Variants in RBM5 observed in about 807,000 individuals in gnomAD.
RBM5 encodes the protein RNA-binding protein 5.
A neutral mutation model predicts 124.6 loss-of-function variants in RBM5; 15 were observed. The observed-to-expected ratio is 0.12, with a 90% CI of 0.08 to 0.19. The LOEUF (loss-of-function observed/expected upper bound fraction) is 0.19, where lower values mean the gene tolerates loss of function less well. RBM5 is among the 10% of genes least tolerant of loss of function. The probability of loss-of-function intolerance (pLI) is 1.00; values close to 1 mark genes in which losing one functional copy is unlikely to be tolerated. For synonymous variants in RBM5, 337 were observed against 361.2 expected (o/e 0.93, Z 0.76); for missense variants, 580 against 1,026.5 (o/e 0.57, Z 5.94).
rs761272730 is a variant in RBM5 at position 50,105,617 on chromosome 3, G to A, written c.763G>A (p.Ala255Thr). The A allele has an allele frequency of 3.7e-6, 6 of 1,614,142 alleles. No homozygotes were observed. Among genetic ancestry groups the A allele is most frequent in the South Asian group, 1.1e-5 (1 of 91,086 alleles). The change falls in exon 10 of 25, where the codon GCG becomes ACG. Residue 255 changes from alanine to threonine, a missense_variant. Around this residue, in one of 6 missense-constraint regions of RBM5, gnomAD observed 101 missense variants for 223.2 expected, o/e 0.45. Transcript: ENST00000347869. ...DSIMTALSPYASLAVNNIRLI... is the reference protein window; with the variant it reads ...DSIMTALSPYTSLAVNNIRLI... ...CATCATGACAGCACTGTCTCCTTAC[G>A]CGTCTTTAGCTGTCAATAACATCCG...
chr3:50,106,755 A>G lies in RBM5; in HGVS notation c.856-12A>G. The G allele has an allele frequency of 6.4e-7, 1 of 1,571,228 alleles. No individual in the cohort carries two copies. The highest frequency in any genetic ancestry group is 8.8e-7 in the Non-Finnish European group (1 of 1,142,370). Reference sequence around the variant, plus strand: ...TGCATTACACGTTTTTTTCCTTCACATTCTCCTTCAGGATGCTTCTCAGCT... The same window carrying G: ...TGCATTACACGTTTTTTTCCTTCACGTTCTCCTTCAGGATGCTTCTCAGCT... On this transcript the variant is annotated splice_polypyrimidine_tract_variant and intron_variant, in intron 10 of 24. Coordinates refer to ENST00000347869, the MANE Select transcript of RBM5 (RefSeq NM_005778.4).
Position 50,114,964 on chromosome 3 carries a change from C to T in RBM5, c.1840-464C>T, listed in dbSNP as rs143408324. On this transcript the variant is annotated intron_variant, in intron 20 of 24. Coordinates refer to ENST00000347869, the MANE Select transcript of RBM5 (RefSeq NM_005778.4). ...GGCGGATCATTTGAGGTCAGGAGTT[C>T]GAGATCAGCCTGACCAATGTGGTGA... The T allele has an allele frequency of 4.3e-3, 683 of 158,008 alleles. 4 individuals carry two copies. The Middle Eastern group carries it at 0.052, about 12-fold the overall frequency. The allele number at this position is 158,008 out of a possible 1,614,324, so 9.8% of individuals were successfully genotyped here.
intron 4 of RBM5, among the ~76,000 whole-genome samples, chr3:50,094,499 T>C (rs1255724705): frequency 6.6e-6 from 1 of 152,160 alleles, no homozygotes; most frequent in East Asian, 1.9e-4. Flanking sequence ...GTGATATTTT[T>C]GTTTCTGTTT....
intron 20 of RBM5, chr3:50,114,538 A>G: frequency 2.7e-6 from 1 of 376,432 alleles, no homozygotes; most frequent in East Asian, 5.2e-5. Flanking sequence ...GAAAATTAAG[A>G]CAAGAAAAAG....
intron 7 of RBM5, among the ~76,000 whole-genome samples, chr3:50,103,387 C>T (rs931774744): frequency 2.0e-5 from 3 of 152,232 alleles, no homozygotes; most frequent in Middle Eastern, 3.2e-3. Flanking sequence ...TGGCTCACGC[C>T]TGTAATCCCA....
In RBM5 at chr3:50,100,499, A is replaced by G; in HGVS notation, c.410-33A>G. 6.4e-7 allele frequency: 1 copy of G among 1,557,900 alleles called. No homozygotes were observed. The highest frequency in any genetic ancestry group is 8.8e-7 in the Non-Finnish European group (1 of 1,130,268). ...TGTTATAAAGGAACTGACTAACACA[A>G]GTATCCCGTCTATATCTGAATGCTG... On this transcript the variant is annotated intron_variant, in intron 5 of 24. Transcript: ENST00000347869. The surrounding 1 kb of genome is among the most constrained non-coding windows in gnomAD (Gnocchi z 5.1).
Position 50,103,130 on chromosome 3 carries a change from T to C in RBM5, c.531T>C (p.Asn177=), listed in dbSNP as rs1160589570. ...AGCACATTGCAATGCATTATAGCAATCCCAGACCTAAGTTTGAAGATTGGC... is the reference window on the plus strand; with the variant it reads ...AGCACATTGCAATGCATTATAGCAACCCCAGACCTAAGTTTGAAGATTGGC... ...QGKHIAMHYS[N]PRPKFEDWLC... is the part of the protein sequence containing the mutation. The change falls in exon 7 of 25, where the codon AAT becomes AAC. Residue 177 remains asparagine, a synonymous_variant. Transcript: ENST00000347869. 3 of 1,612,794 alleles carry C rather than the reference T, an allele frequency of 1.9e-6. No individual in the cohort carries two copies. In the East Asian group the frequency reaches 6.7e-5, roughly 36 times the overall value.
rs2090991353 is a variant in RBM5, at chr3:50,104,107, G to A, written c.568-141G>A. ...CAGTGTTACATTCTGAATTTTTTAG[G>A]TTATGTCCCCATGTCTCAGCTACGT... On this transcript the variant is annotated intron_variant, in intron 7 of 24. Coordinates refer to ENST00000347869, the MANE Select transcript of RBM5 (RefSeq NM_005778.4). 4.6e-6 allele frequency: 3 copies of A among 657,944 alleles called. No individual in the cohort carries two copies. In the South Asian group the frequency reaches 5.6e-5, roughly 12 times the overall value. The allele number at this position is 657,944 out of a possible 1,614,324, so 40.8% of individuals were successfully genotyped here.
chr3:50,099,432 A>C (rs928881364), intron 4 of RBM5, among the ~76,000 whole-genome samples: 2 of 152,268 alleles, frequency 1.3e-5, no homozygotes, highest in Non-Finnish European at 2.9e-5. Context: ...TAATTAGGCC[A>C]GGCATGGTGG....
rs1313142279 is a variant in RBM5 at position 50,089,015 on chromosome 3, C to G, written c.-68C>G. 1 of 152,278 alleles carries G rather than the reference C, an allele frequency of 6.6e-6. No individual in the cohort carries two copies. Among genetic ancestry groups the G allele is most frequent in the African/African-American group, 2.4e-5 (1 of 41,470 alleles). 9.4% of individuals were successfully genotyped at this position (152,278 alleles called of 1,614,324 possible). ...GGGCGCAGAACCGCTACTGCTGCTT[C>G]GGTCTCTCCTTGGGGTAAGTGCGGC... On this transcript the variant is annotated 5_prime_UTR_variant, in exon 1 of 25. Coordinates refer to ENST00000347869, the MANE Select transcript of RBM5 (RefSeq NM_005778.4).
chr3:50,094,023 G>T, intron 4 of RBM5, 148 bp downstream of exon 4: 20 of 774,984 alleles, frequency 2.6e-5, no homozygotes, highest in East Asian at 1.7e-4. Context: ...GAACTGTTTT[G>T]ATATTTTTTT....
intron 2 of RBM5, among the ~76,000 whole-genome samples, chr3:50,090,922 A>C (rs1272426792): frequency 6.6e-6 from 1 of 152,236 alleles, no homozygotes; most frequent in Non-Finnish European, 1.5e-5. Flanking sequence ...GAATAGCAAG[A>C]TGATCCAGAC....
chr3:50,108,860 CTG>C (rs1241792565), intron 14 of RBM5, among the ~76,000 whole-genome samples: 1 of 152,156 alleles, frequency 6.6e-6, no homozygotes, highest in African/African-American at 2.4e-5. Flanking sequence ...GAATTCAACT[CTG>C]TATTTCCCCT....
intron 6 of RBM5, 60 bp from the exon 7 acceptor site, chr3:50,103,023 C>A (rs1425445788): frequency 5.9e-6 from 8 of 1,361,222 alleles, no homozygotes; most frequent in Non-Finnish European, 8.4e-6. Context: ...GTGCTCTGCC[C>A]TGGGAAAATG....
chr3:50,115,259 G>A, intron 20 of RBM5, 169 bp from the exon 21 acceptor site: 1 of 728,914 alleles, frequency 1.4e-6, no homozygotes, highest in Non-Finnish European at 2.2e-6. Flanking sequence ...AGCACTCAAG[G>A]ACCTGACTGC....
intron 15 of RBM5, 106 bp downstream of exon 15, chr3:50,109,794 A>G (rs2091109120): frequency 3.9e-6 from 3 of 773,534 alleles, no homozygotes; most frequent in Non-Finnish European, 6.6e-6. Context: ...TGAGTAATAC[A>G]CACTTCAACC....
chr3:50,098,324 G>A (rs1453047454), intron 4 of RBM5, among the ~76,000 whole-genome samples: 1 of 152,114 alleles, frequency 6.6e-6, no homozygotes, highest in Non-Finnish European at 1.5e-5. Context: ...AGGCTGGAGT[G>A]CAGTGGTGCA....
intron 6 of RBM5, chr3:50,102,496 G>C (rs2090959144): frequency 6.6e-6 from 1 of 152,264 alleles, no homozygotes; most frequent in Non-Finnish European, 1.5e-5. Flanking sequence ...AGTTGTTTTA[G>C]AGTTGGTGGC....
At position 50,100,068 on chromosome 3, in the gene RBM5, T is replaced by G. The variant is rs752311770; in HGVS notation, c.409+17T>G. ...GGAAAACAGGTGAGAGCTTGCTTAG[T>G]TCCTGATATTATTGTTCTCTTCCCC... On this transcript the variant is annotated intron_variant, in intron 5 of 24. Coordinates refer to ENST00000347869, the MANE Select transcript of RBM5 (RefSeq NM_005778.4). The surrounding 1 kb of genome is among the most constrained non-coding windows in gnomAD (Gnocchi z 5.1). 6.2e-7 allele frequency: 1 copy of G among 1,610,128 alleles called. No homozygotes were observed. Among genetic ancestry groups the G allele is most frequent in the Non-Finnish European group, 8.5e-7 (1 of 1,177,488 alleles).
Sources: gnomAD v4.1 joint callset for allele counts (sites outside exome capture counted in the v4.1 genomes callset) on GRCh38, gnomAD v4.1.1 for gene constraint, gnomAD v4.1.1 regional missense constraint, Gnocchi (gnomAD v3.1) non-coding constraint, MANE v1.5 for transcripts, NCBI Gene and HGNC (gene_info 2026-07-23, HGNC 2026-07-21) for gene names.